The following PRDM2 variants were observed in gnomAD, a reference collection of about 807,000 sequenced individuals.
The protein encoded by PRDM2 is PR domain zinc finger protein 2.
Under a neutral mutation model 130.0 loss-of-function variants are expected in PRDM2, and 30 were observed. The observed-to-expected ratio is 0.23, with a 90% CI of 0.17 to 0.31. The LOEUF (loss-of-function observed/expected upper bound fraction) is 0.31. PRDM2 is among the 10% of genes least tolerant of loss of function. The pLI, the probability that PRDM2 is intolerant of heterozygous loss-of-function variation, is 1.00. For synonymous variants in PRDM2, 871 were observed against 782.4 expected, an observed-to-expected ratio of 1.11 and a Z score of -1.89; for missense variants, 2,011 against 2,108.4, an observed-to-expected ratio of 0.95 and a Z score of 0.90.
At chr1:13,761,508 T>C (rs965732503) in intron 6 of PRDM2, among the ~76,000 whole-genome samples, 9 of 152,172 alleles carry the variant, frequency 5.9e-5, no homozygotes, top group African/African-American at 2.2e-4. Context: ...GAGTTCTTTT[T>C]CAGCAGTCGC....
chr1:13,768,172 G>A (rs1167545666), intron 6 of PRDM2, among the ~76,000 whole-genome samples: 1 of 149,904 alleles, frequency 6.7e-6, no homozygotes, highest in Non-Finnish European at 1.5e-5. Flanking sequence ...CCACCTCCCG[G>A]GTTCACGCCA....
intron 4 of PRDM2, among the ~76,000 whole-genome samples, chr1:13,737,638 G>A (rs539618356): frequency 5.6e-4 from 85 of 152,324 alleles, no homozygotes; most frequent in Admixed American, 5.1e-3. Flanking sequence ...AGAATTGGTT[G>A]TCATAGAAAC....
rs956895065 is a variant in PRDM2 at position 13,749,287 on chromosome 1, C to A, written c.385-74C>A. 79 of 1,276,798 alleles carry A rather than the reference C, an allele frequency of 6.2e-5. No homozygotes were observed. The African/African-American group carries it at 1.1e-3, about 18-fold the overall frequency. The allele number at this position is 1,276,798 out of a possible 1,614,324, so 79.1% of individuals were successfully genotyped here. A position where few individuals can be genotyped will look rare whatever the true frequency, so the allele number is the denominator to read the frequency against. ...CCATCGGCGCCGCTCCCGCCCGCGT[C>A]CCGGTGCGCGCCCCGCCCCCGCCAA... On this transcript the variant is annotated intron_variant, in intron 5 of 9. Transcript: ENST00000311066.
intron 8 of PRDM2, chr1:13,786,522 C>T: frequency 6.2e-7 from 1 of 1,610,508 alleles, no homozygotes; most frequent in Non-Finnish European, 8.5e-7. Context: ...TAGGAACTTC[C>T]TGTAGAAAAG....
intron 9 of PRDM2, among the ~76,000 whole-genome samples, chr1:13,821,690 C>T (rs1287373035): frequency 6.6e-6 from 1 of 152,102 alleles, no homozygotes; most frequent in African/African-American, 2.4e-5. Flanking sequence ...TGGTCTCGAA[C>T]TCCTGACCTC....
chr1:13,732,554 G>A (rs979711884), intron 3 of PRDM2, among the ~76,000 whole-genome samples: 4 of 151,906 alleles, frequency 2.6e-5, no homozygotes, highest in African/African-American at 7.3e-5. Flanking sequence ...TTTTCTAATC[G>A]TAAAACAATA....
rs114364548 is a variant in PRDM2 at position 13,775,043 on chromosome 1, G to A, written c.622+1855G>A. 5.9e-5 allele frequency among the ~76,000 whole-genome samples: 9 copies of A among 152,094 alleles called. 1 individual carries two copies. In the South Asian group the frequency reaches 6.2e-4, roughly 11 times the overall value. ...TGGCACAGCTGGTCAAAGTGGTGTC[G>A]TAGGCTTCCGCTGAATGTTCTGCGT... On this transcript the variant is annotated intron_variant, in intron 7 of 9. Coordinates refer to ENST00000311066, the MANE Select transcript of PRDM2 (RefSeq NM_001393986.1).
In PRDM2 at chr1:13,772,243, C is replaced by T. The variant is rs563338723; in HGVS notation, c.512-835C>T. 7 of 152,304 alleles carry T rather than the reference C, an allele frequency of 4.6e-5. No homozygotes were observed. The South Asian group carries it at 1.2e-3, about 27-fold the overall frequency. 9.4% of individuals were successfully genotyped at this position (152,304 alleles called of 1,614,324 possible). ...ATTAAAAAATGTAAAAGAAAGGTTG[C>T]AAATTCTGGTTAAATCCTAAAGAAA... On this transcript the variant is annotated intron_variant, in intron 6 of 9. Transcript: ENST00000311066.
intron 8 of PRDM2, among the ~76,000 whole-genome samples, chr1:13,790,034 G>T (rs1005470216): frequency 3.9e-5 from 6 of 151,954 alleles, no homozygotes; most frequent in African/African-American, 1.4e-4. Context: ...TTAACAAAAC[G>T]GGGAGCCACA....
chr1:13,757,471 G>A (rs1277554272), intron 6 of PRDM2, among the ~76,000 whole-genome samples: 1 of 152,200 alleles, frequency 6.6e-6, no homozygotes, highest in African/African-American at 2.4e-5. Context: ...TTGTCTTATT[G>A]ATGAGAAGCT....
Position 13,718,712 on chromosome 1 carries a change from G to T in PRDM2, c.9+3098G>T, listed in dbSNP as rs141673658. Among the ~76,000 whole-genome samples, 190 of 152,134 alleles carry T rather than the reference G, an allele frequency of 1.2e-3. 1 individual carries two copies. The highest frequency in any genetic ancestry group is 4.3e-3 in the African/African-American group (180 of 41,502). On this transcript the variant is annotated intron_variant, in intron 2 of 9. Coordinates refer to ENST00000311066, the MANE Select transcript of PRDM2 (RefSeq NM_001393986.1). ...TCCTTCCGCTTGAGCCCATGCCTGG[G>T]TGGCAGCGAGAGCAGTAGTCATTGT... is the stretch of plus-strand genomic sequence containing the variant.
In PRDM2 at chr1:13,806,599, C is replaced by T. The variant is rs1645089837; in HGVS notation, c.5037-9828C>T. 6.6e-6 allele frequency among the ~76,000 whole-genome samples: 1 copy of T among 152,176 alleles called. No homozygotes were observed. Among genetic ancestry groups the T allele is most frequent in the African/African-American group, 2.4e-5 (1 of 41,434 alleles). Reference sequence around the variant, plus strand: ...CCCCACATCCAGCTCATCAGCAGATCCCCAAACTCACCCGGAATCCACAGC... The same window carrying T: ...CCCCACATCCAGCTCATCAGCAGATTCCCAAACTCACCCGGAATCCACAGC... On this transcript the variant is annotated intron_variant, in intron 8 of 9. Transcript: ENST00000311066. The surrounding 1 kb of genome is among the most constrained non-coding windows in gnomAD (Gnocchi z 4.1).
chr1:13,823,193 G>C lies in PRDM2; in HGVS notation c.*58G>C, dbSNP rs1645381290. The C allele has an allele frequency of 1.2e-6, 2 of 1,613,294 alleles. No individual in the cohort carries two copies. Among genetic ancestry groups the C allele is most frequent in the South Asian group, 2.2e-5 (2 of 90,998 alleles). Reference sequence around the variant, plus strand: ...TGACCTGGAATCAGTGAAGCCAAAGGGACTGGCAGTCTGCCCTGCAGGGAG... The same window carrying C: ...TGACCTGGAATCAGTGAAGCCAAAGCGACTGGCAGTCTGCCCTGCAGGGAG... On this transcript the variant is annotated 3_prime_UTR_variant, in exon 10 of 10. Transcript: ENST00000311066.
At chr1:13,752,165 TATTC>T (rs1402438719) in intron 6 of PRDM2, among the ~76,000 whole-genome samples, 1 of 152,214 alleles carries the variant, frequency 6.6e-6, no homozygotes, top group Non-Finnish European at 1.5e-5. Context: ...CCTCAATAAA[TATTC>T]ATTGATTGGC....
At chr1:13,735,773 T>C (rs1450692233) in intron 4 of PRDM2, among the ~76,000 whole-genome samples, 1 of 152,248 alleles carries the variant, frequency 6.6e-6, no homozygotes, top group Non-Finnish European at 1.5e-5. Flanking sequence ...TTCTGTTATA[T>C]GTTCTAATAA....
chr1:13,782,897 T>G, intron 8 of PRDM2, 66 bp downstream of exon 8: 1 of 1,591,644 alleles, frequency 6.3e-7, no homozygotes, highest in Non-Finnish European at 8.5e-7. Context: ...TACGGGTGTT[T>G]TTTGGTTTCT....
At chr1:13,747,933 A>G (rs1643664470) in intron 5 of PRDM2, among the ~76,000 whole-genome samples, 1 of 152,220 alleles carries the variant, frequency 6.6e-6, no homozygotes, top group Non-Finnish European at 1.5e-5. Flanking sequence ...ATGTCTTTGT[A>G]GGAAAAGAAA....
At chr1:13,752,465 A>G (rs1643867894) in intron 6 of PRDM2, among the ~76,000 whole-genome samples, 1 of 152,218 alleles carries the variant, frequency 6.6e-6, no homozygotes, top group South Asian at 2.1e-4. Context: ...GTTTCAGGCT[A>G]TTTTAATGTG....
At position 13,803,449 on chromosome 1, in the gene PRDM2, C is replaced by G. The variant is rs952566238; in HGVS notation, c.5037-12978C>G. Among the ~76,000 whole-genome samples the G allele has an allele frequency of 6.6e-6, 1 of 152,206 alleles. No individual in the cohort carries two copies. The highest frequency in any genetic ancestry group is 2.4e-5 in the African/African-American group (1 of 41,450). On this transcript the variant is annotated intron_variant, in intron 8 of 9. Coordinates refer to ENST00000311066, the MANE Select transcript of PRDM2 (RefSeq NM_001393986.1). The surrounding 1 kb of genome is among the most constrained non-coding windows in gnomAD (Gnocchi z 6.2). ...GGTGGGTAGAGCCAGTTACAGAGATCTGAGTGCCCTCAGCGAGTCCTCGGG... is the reference window on the plus strand; with the variant it reads ...GGTGGGTAGAGCCAGTTACAGAGATGTGAGTGCCCTCAGCGAGTCCTCGGG...
Sources: gnomAD v4.1 joint callset for allele counts (sites outside exome capture counted in the v4.1 genomes callset) on GRCh38, gnomAD v4.1.1 for gene constraint, Gnocchi (gnomAD v3.1) non-coding constraint, MANE v1.5 for transcripts, NCBI Gene and HGNC (gene_info 2026-07-23, HGNC 2026-07-21) for gene names.